The following FHIT variants were observed in gnomAD, a reference collection of about 807,000 sequenced individuals.
FHIT encodes the protein bis(5'-adenosyl)-triphosphatase.
A neutral mutation model predicts 17.9 loss-of-function variants in FHIT; 19 were observed. The observed-to-expected ratio is 1.06, with a 90% confidence interval of 0.74 to 1.56. The LOEUF is 1.56. Ranked by LOEUF, FHIT falls within the 40% of genes most tolerant of loss-of-function variation. FHIT has a pLI of 0.00. For synonymous variants in FHIT, 81 were observed against 69.7 expected, an observed-to-expected ratio of 1.16 and a Z score of -0.81; for missense variants, 248 against 189.2, an observed-to-expected ratio of 1.31 and a Z score of -1.82.
chr3:60,017,352 G>T (rs1004421733), intron 5 of FHIT, among the ~76,000 whole-genome samples: 3 of 147,536 alleles, frequency 2.0e-5, no homozygotes, highest in African/African-American at 5.4e-5. Flanking sequence ...AGATCAAAAA[G>T]GGGGGAGAGT....
At chr3:60,544,014 T>G (rs2036278171) in intron 4 of FHIT, among the ~76,000 whole-genome samples, 1 of 149,658 alleles carries the variant, frequency 6.7e-6, no homozygotes. Context: ...CATCTTGGCT[T>G]CTCAAAGTGC....
chr3:60,724,654 T>G (rs913084462), intron 4 of FHIT, among the ~76,000 whole-genome samples: 3 of 140,454 alleles, frequency 2.1e-5, no homozygotes, highest in Admixed American at 7.0e-5. Flanking sequence ...TCTGTTTTTT[T>G]TTTTTGTTTT....
intron 3 of FHIT, among the ~76,000 whole-genome samples, chr3:60,950,539 T>C (rs1219042698): frequency 6.6e-6 from 1 of 150,840 alleles, no homozygotes; most frequent in Non-Finnish European, 1.5e-5. Context: ...GGAGTGGAGA[T>C]GGAGTCTGAC....
chr3:60,010,326 G>A (rs1324537903), intron 7 of FHIT, among the ~76,000 whole-genome samples: 3 of 152,166 alleles, frequency 2.0e-5, no homozygotes, highest in African/African-American at 4.8e-5. Flanking sequence ...CAATTAGGAG[G>A]CTAGCCCTTT....
intron 5 of FHIT, among the ~76,000 whole-genome samples, chr3:60,264,523 A>G (rs1012157451): frequency 6.6e-6 from 1 of 151,986 alleles, no homozygotes; most frequent in African/African-American, 2.4e-5. Flanking sequence ...ACTATAAGTT[A>G]CTGGTTCTAT....
intron 5 of FHIT, among the ~76,000 whole-genome samples, chr3:60,018,042 G>T (rs565744995): frequency 6.3e-4 from 96 of 152,340 alleles, no homozygotes; most frequent in Admixed American, 1.4e-3. Flanking sequence ...CGTTTACAAA[G>T]AAAAGAGGTT....
chr3:61,247,811 T>C (rs1421633581), intron 1 of FHIT, among the ~76,000 whole-genome samples: 1 of 152,240 alleles, frequency 6.6e-6, no homozygotes, highest in African/African-American at 2.4e-5. Context: ...GACTGCAAGC[T>C]GTTAAGAGCC....
rs542917131 is a variant in FHIT, at chr3:60,235,010, T to C, written c.104-220858A>G. The stretch of plus-strand genomic sequence containing the variant: ...GGGCTACGTAGGTGACCCAAGTGCA[T>C]CAGGAGCAGTTTCGAACAAGGTGTA... On this transcript the variant is annotated intron_variant, in intron 5 of 9. Coordinates refer to ENST00000492590, the MANE Select transcript of FHIT (RefSeq NM_002012.4). Among the ~76,000 whole-genome samples the C allele has an allele frequency of 2.6e-5, 4 of 152,204 alleles. No homozygotes were observed. The East Asian group carries it at 7.7e-4, about 29-fold the overall frequency.
intron 4 of FHIT, among the ~76,000 whole-genome samples, chr3:60,788,095 G>A (rs1486335291): frequency 3.9e-5 from 6 of 152,110 alleles, no homozygotes; most frequent in South Asian, 2.1e-4. Context: ...TTAAATAAAA[G>A]TAAACATTTA....
intron 4 of FHIT, among the ~76,000 whole-genome samples, chr3:60,643,305 A>ATTG (rs2039773295): frequency 6.6e-6 from 1 of 152,076 alleles, no homozygotes. Context: ...TAGAATCAAT[A>ATTG]TTGTGAAAAT....
chr3:61,120,194 G>C (rs1175230035), intron 2 of FHIT, among the ~76,000 whole-genome samples: 2 of 152,242 alleles, frequency 1.3e-5, no homozygotes, highest in Middle Eastern at 3.4e-3. Flanking sequence ...AGGGTTAATA[G>C]AGTGGTAACA....
chr3:60,760,076 T>C (rs912514390), intron 4 of FHIT, among the ~76,000 whole-genome samples: 1 of 152,182 alleles, frequency 6.6e-6, no homozygotes, highest in Non-Finnish European at 1.5e-5. Context: ...CATTTCTCTC[T>C]TTCCTTCCTT....
intron 8 of FHIT, among the ~76,000 whole-genome samples, chr3:59,778,177 T>G (rs1039872983): frequency 1.1e-4 from 16 of 152,210 alleles, no homozygotes; most frequent in African/African-American, 3.6e-4. Context: ...ATCTACTGAA[T>G]GAAGAGCACC....
chr3:59,927,700 C>T (rs1377653004), intron 7 of FHIT, among the ~76,000 whole-genome samples: 4 of 152,002 alleles, frequency 2.6e-5, no homozygotes, highest in South Asian at 2.1e-4. Flanking sequence ...ACCCGGGAGG[C>T]GGAGGTTGCC....
intron 3 of FHIT, among the ~76,000 whole-genome samples, chr3:60,922,751 C>G (rs1553768718): frequency 1.3e-5 from 2 of 152,138 alleles, no homozygotes; most frequent in Non-Finnish European, 1.5e-5. Context: ...TCCATCTTAC[C>G]TTCTTTAAAG....
At position 60,830,430 on chromosome 3, in the gene FHIT, G is replaced by A. The variant is rs191723850; in HGVS notation, c.-110-8419C>T. On this transcript the variant is annotated intron_variant, in intron 3 of 9. Transcript: ENST00000492590. The stretch of plus-strand genomic sequence containing the variant: ...ATAAACCAAAAGAAGAGAGTGGTAA[G>A]TGAAATATAAGGTACCATTAGAGAT... Among the ~76,000 whole-genome samples, 63 of 152,278 alleles carry A rather than the reference G, an allele frequency of 4.1e-4. 1 individual carries two copies. Among genetic ancestry groups the A allele is most frequent in the Admixed American group, 1.4e-3 (22 of 15,292 alleles).
At chr3:60,525,924 G>A (rs894852163) in intron 5 of FHIT, among the ~76,000 whole-genome samples, 7 of 152,034 alleles carry the variant, frequency 4.6e-5, no homozygotes, top group African/African-American at 1.7e-4. Context: ...GCAACATGGT[G>A]AAACCTTGTC....
intron 5 of FHIT, among the ~76,000 whole-genome samples, chr3:60,178,891 C>G (rs1701799179): frequency 6.6e-6 from 1 of 152,122 alleles, no homozygotes; most frequent in Non-Finnish European, 1.5e-5. Context: ...CCTCTGTATT[C>G]TCCTAAAGCG....
chr3:60,595,712 T>C (rs782526696), intron 4 of FHIT, among the ~76,000 whole-genome samples: 3 of 151,946 alleles, frequency 2.0e-5, no homozygotes, highest in Non-Finnish European at 4.4e-5. Context: ...CGTGCAGTTA[T>C]AGCTCACTGA....
Sources: allele counts gnomAD v4.1 joint callset (sites outside exome capture counted in the v4.1 genomes callset), GRCh38; gene constraint gnomAD v4.1.1; transcripts MANE v1.5; gene names NCBI Gene and HGNC (gene_info 2026-07-23, HGNC 2026-07-21).